GRM7: variants seen among roughly 807,000 people sequenced by gnomAD.
GRM7 encodes glutamate metabotropic receptor 7.
GRM7 carries 35 observed loss-of-function variants against 84.5 expected under a neutral mutation model. The ratio of observed to expected loss-of-function variants is 0.41; its 90% confidence interval spans 0.32 to 0.55. The LOEUF (loss-of-function observed/expected upper bound fraction) is 0.55. GRM7 is among the 20% of genes least tolerant of loss of function. GRM7 has a pLI of 0.19. For synonymous variants in GRM7, 487 were observed against 455.1 expected (o/e 1.07, Z -0.89); for missense variants, 1,003 against 1,194.6 (o/e 0.84, Z 2.36).
At chr3:7,708,141 T>C (rs1701452541) in intron 9 of GRM7, among the ~76,000 whole-genome samples, 1 of 151,780 alleles carries the variant, frequency 6.6e-6, no homozygotes, top group Non-Finnish European at 1.5e-5. Flanking sequence ...TTTTTTTTTC[T>C]CTTTTTACTT....
At chr3:7,342,750 T>C (rs1320547718) in intron 4 of GRM7, among the ~76,000 whole-genome samples, 2 of 152,144 alleles carry the variant, frequency 1.3e-5, no homozygotes, top group African/African-American at 4.8e-5. Flanking sequence ...CTGGACCAGG[T>C]ACCACACTTT....
chr3:6,950,747 G>A (rs1189420159), intron 1 of GRM7, among the ~76,000 whole-genome samples: 1 of 152,206 alleles, frequency 6.6e-6, no homozygotes, highest in Non-Finnish European at 1.5e-5. Flanking sequence ...ACTCAAGCCT[G>A]AGCAATGGCA....
chr3:6,959,688 T>C (rs915851065), intron 1 of GRM7, among the ~76,000 whole-genome samples: 10 of 152,176 alleles, frequency 6.6e-5, no homozygotes, highest in African/African-American at 2.2e-4. Context: ...TTTTTTAAAA[T>C]AGGAAGTCCC....
At chr3:7,539,514 A>G (rs1692749552) in intron 7 of GRM7, among the ~76,000 whole-genome samples, 1 of 151,946 alleles carries the variant, frequency 6.6e-6, no homozygotes, top group Non-Finnish European at 1.5e-5. Flanking sequence ...CGTCTCTACT[A>G]AAAATACAAA....
intron 4 of GRM7, among the ~76,000 whole-genome samples, chr3:7,322,192 T>C (rs1244390710): frequency 6.6e-6 from 1 of 152,082 alleles, no homozygotes; most frequent in Non-Finnish European, 1.5e-5. Context: ...AGTGAACTTC[T>C]AGTGGACGCT....
chr3:7,298,589 C>T (rs1699891710), intron 2 of GRM7, 95 bp from the exon 3 acceptor site: 2 of 997,378 alleles, frequency 2.0e-6, no homozygotes, highest in South Asian at 2.9e-5. Flanking sequence ...TATTGCATAT[C>T]CGGGATTCAG....
chr3:7,505,649 G>A (rs866566449), intron 7 of GRM7, among the ~76,000 whole-genome samples: 7 of 152,172 alleles, frequency 4.6e-5, no homozygotes, highest in East Asian at 1.9e-4. Context: ...TTATGCCTTC[G>A]ATGACTTATA....
intron 2 of GRM7, among the ~76,000 whole-genome samples, chr3:7,159,702 G>T (rs1297624017): frequency 6.6e-6 from 1 of 152,116 alleles, no homozygotes; most frequent in Non-Finnish European, 1.5e-5. Flanking sequence ...AGAAATGTGT[G>T]GGTCGCCCTG....
chr3:7,385,504 G>T (rs988148326), intron 4 of GRM7, among the ~76,000 whole-genome samples: 1 of 151,834 alleles, frequency 6.6e-6, no homozygotes, highest in African/African-American at 2.4e-5. Context: ...GTTTCACCAT[G>T]TTATGCAGGA....
intron 5 of GRM7, among the ~76,000 whole-genome samples, chr3:7,418,986 A>T (rs980048000): frequency 1.3e-5 from 2 of 152,176 alleles, no homozygotes; most frequent in African/African-American, 4.8e-5. Flanking sequence ...ATTTAAATAA[A>T]GGGTCTGAAA....
chr3:7,156,744 G>A (rs180972186), intron 2 of GRM7, among the ~76,000 whole-genome samples: 2 of 152,050 alleles, frequency 1.3e-5, no homozygotes, highest in African/African-American at 2.4e-5. Context: ...CTTATGCTGC[G>A]GAAGGGAGGA....
intron 2 of GRM7, among the ~76,000 whole-genome samples, chr3:7,272,620 T>A (rs982223508): frequency 6.6e-6 from 1 of 152,188 alleles, no homozygotes; most frequent in Non-Finnish European, 1.5e-5. Flanking sequence ...CCTTATGTTA[T>A]TAAATTTCTA....
chr3:7,395,150 T>C (rs1695159610), intron 4 of GRM7, among the ~76,000 whole-genome samples: 1 of 152,178 alleles, frequency 6.6e-6, no homozygotes, highest in South Asian at 2.1e-4. Flanking sequence ...AATATGTTTA[T>C]AGAGCCAAAA....
rs1199588274 is a variant in GRM7 at position 6,862,297 on chromosome 3, GCCTGGAAA to G, written c.519+393_519+400del. ...AATGGAATAGGAAAGATGAGACGATGCCTGGAAACCGGGCATTTCCCAACTCCCCAGCT... is the reference window on the plus strand; with the variant it reads ...AATGGAATAGGAAAGATGAGACGATGCCGGGCATTTCCCAACTCCCCAGCT... On this transcript the variant is annotated intron_variant, in intron 1 of 9. Coordinates refer to ENST00000357716, the MANE Select transcript of GRM7 (RefSeq NM_000844.4). This position sits in a 1 kb window ranked among gnomAD's most constrained non-coding sequence, Gnocchi z 5.2. Among the ~76,000 whole-genome samples, 1 of 152,082 alleles carries G rather than the reference GCCTGGAAA, an allele frequency of 6.6e-6. No homozygotes were observed. The highest frequency in any genetic ancestry group is 6.6e-5 in the Admixed American group (1 of 15,266).
At position 7,551,943 on chromosome 3, in the gene GRM7, G is replaced by A. The variant is rs1489648692; in HGVS notation, c.1516-26479G>A. 2.6e-5 allele frequency among the ~76,000 whole-genome samples: 4 copies of A among 152,280 alleles called. No individual in the cohort carries two copies. In the East Asian group the frequency reaches 5.8e-4, roughly 22 times the overall value. On this transcript the variant is annotated intron_variant, in intron 7 of 9. Transcript: ENST00000357716. The stretch of plus-strand genomic sequence containing the variant: ...TGTCAAATGGCAAAGAGGAAGCAAG[G>A]CATCTTCTTCACAAGGTGGCAGGAA...
At chr3:7,374,718 T>C (rs1281371421) in intron 4 of GRM7, among the ~76,000 whole-genome samples, 1 of 149,370 alleles carries the variant, frequency 6.7e-6, no homozygotes, top group Non-Finnish European at 1.5e-5. Context: ...CTCGAACTCC[T>C]AACCTCAGGT....
intron 2 of GRM7, among the ~76,000 whole-genome samples, chr3:7,293,046 A>G (rs1329381745): frequency 6.6e-6 from 1 of 151,636 alleles, no homozygotes; most frequent in Non-Finnish European, 1.5e-5. Context: ...AAAAAAAAAA[A>G]AAAAATTGAG....
At chr3:7,203,023 G>A (rs1264561204) in intron 2 of GRM7, among the ~76,000 whole-genome samples, 1 of 152,152 alleles carries the variant, frequency 6.6e-6, no homozygotes, top group African/African-American at 2.4e-5. Flanking sequence ...GGGTAGAGGA[G>A]GTATCCATCA....
chr3:6,968,949 A>T (rs934356083), intron 1 of GRM7, among the ~76,000 whole-genome samples: 8 of 152,238 alleles, frequency 5.3e-5, no homozygotes, highest in African/African-American at 1.9e-4. Flanking sequence ...TGTAAAATCT[A>T]CCAAAAATTG....
Sources: gnomAD v4.1 joint callset for allele counts (sites outside exome capture counted in the v4.1 genomes callset) on GRCh38, gnomAD v4.1.1 for gene constraint, Gnocchi (gnomAD v3.1) non-coding constraint, MANE v1.5 for transcripts, NCBI Gene and HGNC (gene_info 2026-07-23, HGNC 2026-07-21) for gene names.